ATF7IP: variants seen among roughly 807,000 people sequenced by gnomAD.
ATF7IP encodes activating transcription factor 7 interacting protein.
In ATF7IP, 23 loss-of-function variants were observed where a neutral mutation model predicts 106.4. The observed-to-expected ratio is 0.22, with a 90% confidence interval of 0.16 to 0.31. The LOEUF is 0.31. Ranked by LOEUF, ATF7IP falls within the 10% of genes least tolerant of loss-of-function variation. ATF7IP has a pLI of 1.00. For synonymous variants in ATF7IP, 542 were observed against 539.0 expected (o/e 1.01, Z -0.08); for missense variants, 1,334 against 1,524.3 (o/e 0.88, Z 2.08).
chr12:14,403,284 C>G (rs1449396734), intron 1 of ATF7IP, among the ~76,000 whole-genome samples: 1 of 151,994 alleles, frequency 6.6e-6, no homozygotes, highest in Admixed American at 6.6e-5. Flanking sequence ...TCCTAATATG[C>G]TTTAAAAATT....
At chr12:14,376,558 G>A (rs1938745179) in intron 1 of ATF7IP, among the ~76,000 whole-genome samples, 2 of 152,118 alleles carry the variant, frequency 1.3e-5, no homozygotes, top group South Asian at 4.1e-4. Context: ...TGCTATAATT[G>A]ACTTATTTAT....
chr12:14,372,807 A>G (rs1051333711), intron 1 of ATF7IP, among the ~76,000 whole-genome samples: 1 of 151,988 alleles, frequency 6.6e-6, no homozygotes, highest in African/African-American at 2.4e-5. Context: ...TACTTTGGGG[A>G]AGTATTATCT....
chr12:14,481,218 T>TA, intron 13 of ATF7IP, 33 bp downstream of exon 13: 1 of 1,609,162 alleles, frequency 6.2e-7, no homozygotes, highest in Middle Eastern at 1.8e-4. Context: ...GGCCCCAAGA[T>TA]ACATGTAGTT....
chr12:14,480,567 G>C (rs1432336799), intron 12 of ATF7IP, among the ~76,000 whole-genome samples: 1 of 152,146 alleles, frequency 6.6e-6, no homozygotes, highest in East Asian at 1.9e-4. Context: ...TCAGTTTCTT[G>C]ATCTTTGGGA....
chr12:14,387,551 A>T (rs1276175926), intron 1 of ATF7IP, among the ~76,000 whole-genome samples: 1 of 152,142 alleles, frequency 6.6e-6, no homozygotes, highest in Non-Finnish European at 1.5e-5. Context: ...TGCTAACTGT[A>T]ATATTTGCCG....
chr12:14,388,403 G>A (rs1758834369), intron 1 of ATF7IP, among the ~76,000 whole-genome samples: 1 of 149,986 alleles, frequency 6.7e-6, no homozygotes, highest in Non-Finnish European at 1.5e-5. Context: ...CTGGAGTGTA[G>A]TGGTGAAATC....
At chr12:14,466,366 GATACT>G in intron 9 of ATF7IP, 155 bp from the exon 10 acceptor site, 1 of 639,176 alleles carries the variant, frequency 1.6e-6, no homozygotes, top group East Asian at 2.8e-5. Context: ...GTATCTGAAA[GATACT>G]ATAGCAGTGG....
At chr12:14,454,013 T>G (rs1423400142) in intron 6 of ATF7IP, among the ~76,000 whole-genome samples, 1 of 152,218 alleles carries the variant, frequency 6.6e-6, no homozygotes, top group Admixed American at 6.5e-5. Context: ...GAGATTTATT[T>G]TATTTATTTG....
chr12:14,488,742 T>C (rs1291638002), intron 13 of ATF7IP, among the ~76,000 whole-genome samples: 1 of 152,180 alleles, frequency 6.6e-6, no homozygotes, highest in Non-Finnish European at 1.5e-5. Flanking sequence ...TACTTATGCC[T>C]AACATAATAC....
At chr12:14,463,397 A>C (rs1478835044) in intron 9 of ATF7IP, among the ~76,000 whole-genome samples, 1 of 152,178 alleles carries the variant, frequency 6.6e-6, no homozygotes. Flanking sequence ...ATTCATTCAC[A>C]AAGTAATGAA....
intron 1 of ATF7IP, among the ~76,000 whole-genome samples, chr12:14,404,411 T>A (rs762712569): frequency 2.1e-4 from 32 of 152,182 alleles, no homozygotes; most frequent in Non-Finnish European, 2.8e-4. Context: ...ATTGAATACA[T>A]GAGTAAATCA....
intron 6 of ATF7IP, among the ~76,000 whole-genome samples, chr12:14,455,770 A>G (rs1386562018): frequency 6.6e-6 from 1 of 151,262 alleles, no homozygotes; most frequent in African/African-American, 2.4e-5. Flanking sequence ...TTTTTTTTTT[A>G]GAGATGGGGT....
In ATF7IP at chr12:14,410,213, C is replaced by T. The variant is rs182862428; in HGVS notation, c.-7-13696C>T. 3.5e-4 allele frequency among the ~76,000 whole-genome samples: 53 copies of T among 152,220 alleles called. 1 individual carries two copies. The highest frequency in any genetic ancestry group is 3.4e-3 in the Middle Eastern group (1 of 294). ...CAGTTTTCGTTTTCTGTGGTTTTAG[C>T]TGTCTGTAGTCAACCGTGGGTAATA... On this transcript the variant is annotated intron_variant, in intron 1 of 14. Transcript: ENST00000261168.
At chr12:14,491,631 C>G (rs998723451) in intron 13 of ATF7IP, among the ~76,000 whole-genome samples, 1 of 152,202 alleles carries the variant, frequency 6.6e-6, no homozygotes, top group African/African-American at 2.4e-5. Flanking sequence ...AGAGTTGATA[C>G]ACCCCTGAGG....
chr12:14,424,822 A>G lies in ATF7IP; in HGVS notation c.907A>G (p.Ile303Val). The G allele has an allele frequency of 1.2e-6, 2 of 1,614,148 alleles. No homozygotes were observed. Residue 303 changes from isoleucine (I) to valine (V), a missense_variant, in exon 2 of 15, where the codon ATT becomes GTT. By Grantham distance (29) the Ile-to-Val change is conservative (BLOSUM62 3). Around this residue, in one of 10 missense-constraint regions of ATF7IP, gnomAD observed 438 missense variants for 405.3 expected, o/e 1.08. Coordinates refer to ENST00000261168, the MANE Select transcript of ATF7IP (RefSeq NM_018179.5). ...ACCAGTTTGTGAACCAGTTCCTGAA[A>G]TTGACAATATAGAACCAAGTAGCAA... The part of the protein sequence containing the change: ...SVPVCEPVPE[I>V]DNIEPSSNKD...
chr12:14,486,850 A>T (rs562746310), intron 13 of ATF7IP, among the ~76,000 whole-genome samples: 1 of 151,974 alleles, frequency 6.6e-6, no homozygotes, highest in East Asian at 1.9e-4. Flanking sequence ...TAGATCTGAC[A>T]TACAGAGACG....
rs1411433908 is a variant in ATF7IP at position 14,500,542 on chromosome 12, GTA to G, written c.*2473_*2474del. On this transcript the variant is annotated 3_prime_UTR_variant, in exon 15 of 15. Coordinates refer to ENST00000261168, the MANE Select transcript of ATF7IP (RefSeq NM_018179.5). The stretch of plus-strand genomic sequence containing the variant: ...TATGAACACCTGTCTATATCTGCAT[GTA>G]TATGTTTTGACCTGCAGTGGTTGCA... 6.6e-6 allele frequency: 1 copy of G among 152,146 alleles called. No individual in the cohort carries two copies. The highest frequency in any genetic ancestry group is 1.9e-4 in the East Asian group (1 of 5,188). 9.4% of individuals were successfully genotyped at this position (152,146 alleles called of 1,614,324 possible).
At position 14,391,500 on chromosome 12, in the gene ATF7IP, A is replaced by G. The variant is rs747371844; in HGVS notation, c.-8+25673A>G. On this transcript the variant is annotated intron_variant, in intron 1 of 14. Transcript: ENST00000261168. ...TTCTGCTCTCGTACTGTTATTAAGT[A>G]ATTGTGTAGTTTTGGATAAATATTT... Among the ~76,000 whole-genome samples, 7 of 152,286 alleles carry G rather than the reference A, an allele frequency of 4.6e-5. No homozygotes were observed. In the South Asian group the frequency reaches 6.2e-4, roughly 14 times the overall value.
chr12:14,456,404 G>A (rs553922352), intron 6 of ATF7IP, among the ~76,000 whole-genome samples, 157 bp from the exon 7 acceptor site: 1 of 152,246 alleles, frequency 6.6e-6, no homozygotes, highest in South Asian at 2.1e-4. Context: ...AAGTGATAAT[G>A]CCAAGATTCA....
Sources: gnomAD v4.1 joint callset for allele counts (sites outside exome capture counted in the v4.1 genomes callset) on GRCh38, gnomAD v4.1.1 for gene constraint, gnomAD v4.1.1 regional missense constraint, MANE v1.5 for transcripts, NCBI Gene and HGNC (gene_info 2026-07-23, HGNC 2026-07-21) for gene names.